The following SCOC variants were observed in gnomAD, a reference collection of about 807,000 sequenced individuals.
SCOC encodes the protein short coiled coil protein.
A neutral mutation model predicts 9.9 loss-of-function variants in SCOC; 7 were observed. The ratio of observed to expected loss-of-function variants is 0.71; its 90% CI spans 0.40 to 1.33. SCOC has a LOEUF of 1.33. SCOC is among the 40% of genes most tolerant of loss of function. SCOC has a pLI of 0.01. For synonymous variants in SCOC, 19 were observed against 28.2 expected, an observed-to-expected ratio of 0.67 and a Z score of 1.03; for missense variants, 66 against 89.7, an observed-to-expected ratio of 0.74 and a Z score of 1.07.
upstream of SCOC, chr4:140,373,363 T>C (rs1184163229): frequency 6.2e-6 from 9 of 1,440,816 alleles, no homozygotes; most frequent in African/African-American, 5.7e-5. Flanking sequence ...ATAGACCTGA[T>C]GAGCCGCTTC....
intron 1 of SCOC, among the ~76,000 whole-genome samples, chr4:140,258,632 G>A (rs1214854199): frequency 1.3e-5 from 2 of 152,214 alleles, no homozygotes; most frequent in East Asian, 3.8e-4. Context: ...AGAAGCTGAA[G>A]AAGCGCTTTA....
intron 1 of SCOC, among the ~76,000 whole-genome samples, chr4:140,301,773 ACAAT>A (rs1232990685): frequency 6.6e-6 from 1 of 152,194 alleles, no homozygotes; most frequent in African/African-American, 2.4e-5. Flanking sequence ...ATGGAATTAC[ACAAT>A]CACTTTTTCT....
intron 1 of SCOC, among the ~76,000 whole-genome samples, chr4:140,275,198 C>G (rs1730954728): frequency 6.6e-6 from 1 of 152,164 alleles, no homozygotes; most frequent in Admixed American, 6.5e-5. Context: ...AAGGTCTTTC[C>G]CTATATACAC....
intron 1 of SCOC, among the ~76,000 whole-genome samples, chr4:140,306,364 G>A (rs1342413671): frequency 6.6e-6 from 1 of 152,170 alleles, no homozygotes; most frequent in Non-Finnish European, 1.5e-5. Flanking sequence ...AGTTCAAGAT[G>A]AGATTTGGGT....
At chr4:140,323,142 G>C (rs987696145) in intron 1 of SCOC, among the ~76,000 whole-genome samples, 2 of 152,126 alleles carry the variant, frequency 1.3e-5, no homozygotes, top group African/African-American at 2.4e-5. Context: ...GGAGGTGGTT[G>C]GGTCATAGGG....
rs140008076 is a variant in SCOC, at chr4:140,292,385, T to C, written c.-19+34975T>C. Among the ~76,000 whole-genome samples, 38 of 152,112 alleles carry C rather than the reference T, an allele frequency of 2.5e-4. No homozygotes were observed. In the East Asian group the frequency reaches 7.2e-3, roughly 29 times the overall value. ...TGTATATTTAGTAGAGACAGGGTTTTGTCATGTTAGCTAGGCTGGTCTTGA... is the reference window on the plus strand; with the variant it reads ...TGTATATTTAGTAGAGACAGGGTTTCGTCATGTTAGCTAGGCTGGTCTTGA... On this transcript the variant is annotated intron_variant, in intron 1 of 4. Transcript: ENST00000394205.
chr4:140,331,125 T>C (rs1279281563), intron 1 of SCOC, among the ~76,000 whole-genome samples: 1 of 151,542 alleles, frequency 6.6e-6, no homozygotes, highest in Non-Finnish European at 1.5e-5. Flanking sequence ...CTTGGAAGAG[T>C]TTTTAATCTT....
intron 1 of SCOC, among the ~76,000 whole-genome samples, chr4:140,306,433 A>C (rs1578792908): frequency 6.6e-6 from 1 of 152,256 alleles, no homozygotes; most frequent in East Asian, 1.9e-4. Context: ...TAGACAAGAA[A>C]ACAGCCCAAG....
chr4:140,359,121 GCTCA>G (rs35479274), intron 2 of SCOC, among the ~76,000 whole-genome samples: 84,209 of 151,570 alleles, frequency 0.56, 25,128 homozygotes, highest in Non-Finnish European at 0.68. Flanking sequence ...GTTTCATTTT[GCTCA>G]CTATTTTGTG....
chr4:140,312,353 T>C (rs527414529), intron 1 of SCOC, among the ~76,000 whole-genome samples: 2 of 152,290 alleles, frequency 1.3e-5, no homozygotes, highest in South Asian at 4.1e-4. Context: ...CCCTTTGCAT[T>C]TGAACTGGGG....
intron 1 of SCOC, among the ~76,000 whole-genome samples, chr4:140,316,855 A>C (rs1038705654): frequency 4.6e-5 from 7 of 152,236 alleles, no homozygotes; most frequent in African/African-American, 1.7e-4. Flanking sequence ...CTACAAATTA[A>C]GGTATGCAAG....
chr4:140,353,097 T>G (rs1727048372), intron 2 of SCOC, among the ~76,000 whole-genome samples: 1 of 152,288 alleles, frequency 6.6e-6, no homozygotes, highest in Non-Finnish European at 1.5e-5. Flanking sequence ...CTGCTTGACT[T>G]GTTCAGAATT....
intron 1 of SCOC, among the ~76,000 whole-genome samples, chr4:140,290,440 G>A (rs1484005857): frequency 6.6e-6 from 1 of 152,162 alleles, no homozygotes; most frequent in Non-Finnish European, 1.5e-5. Flanking sequence ...CTTCCCCCAT[G>A]CCTTTGGTTC....
At chr4:140,258,122 G>A (rs1006116988) in intron 1 of SCOC, among the ~76,000 whole-genome samples, 4 of 152,156 alleles carry the variant, frequency 2.6e-5, no homozygotes, top group East Asian at 1.9e-4. Flanking sequence ...AGCAGTCTGC[G>A]GAGGTGCTCT....
intron 1 of SCOC, among the ~76,000 whole-genome samples, chr4:140,264,844 G>C (rs1373720683): frequency 6.6e-6 from 1 of 152,152 alleles, no homozygotes; most frequent in African/African-American, 2.4e-5. Flanking sequence ...ATTATGCTCT[G>C]CTTCGTTTAG....
At chr4:140,282,696 T>C (rs1731129341) in intron 1 of SCOC, among the ~76,000 whole-genome samples, 1 of 152,204 alleles carries the variant, frequency 6.6e-6, no homozygotes, top group South Asian at 2.1e-4. Flanking sequence ...CAGCTGTGTG[T>C]TCTTAGAAAA....
chr4:140,276,169 A>C (rs552551871), intron 1 of SCOC, among the ~76,000 whole-genome samples: 1 of 151,976 alleles, frequency 6.6e-6, no homozygotes, highest in African/African-American at 2.4e-5. Flanking sequence ...CGCCCGTCTA[A>C]ATTTTTGTAT....
At chr4:140,374,433 G>A (rs985813229) in intron 1 of SCOC, 1 of 296,682 alleles carries the variant, frequency 3.4e-6, no homozygotes, top group Non-Finnish European at 6.6e-6. Context: ...CTGTGCCCAT[G>A]TATTCTGGTA....
intron 1 of SCOC, chr4:140,376,683 A>T (rs1728359732): frequency 6.6e-6 from 1 of 152,172 alleles, no homozygotes; most frequent in African/African-American, 2.4e-5. Context: ...AGATGAAGTC[A>T]CACTGTTGCT....
Sources: gnomAD v4.1 joint callset for allele counts (sites outside exome capture counted in the v4.1 genomes callset) on GRCh38, gnomAD v4.1.1 for gene constraint, MANE v1.5 for transcripts, NCBI Gene and HGNC (gene_info 2026-07-23, HGNC 2026-07-21) for gene names.